The following CCDC141 variants were observed in gnomAD, a reference collection of about 807,000 sequenced individuals.
CCDC141 encodes the protein coiled-coil domain containing 141, also known as coiled-coil domain-containing protein 141.
Under a neutral mutation model 181.0 loss-of-function variants are expected in CCDC141, and 168 were observed. The ratio of observed to expected loss-of-function variants is 0.93; its 90% confidence interval spans 0.82 to 1.05. The LOEUF (loss-of-function observed/expected upper bound fraction) is 1.05. Among genes scored for constraint, CCDC141 ranks in the 50% least tolerant of loss-of-function variants. The pLI is 0.00. For missense variants in CCDC141, 1,902 were observed against 1,788.5 expected, an observed-to-expected ratio of 1.06 and a Z score of -1.14; for synonymous variants, 666 against 642.3, an observed-to-expected ratio of 1.04 and a Z score of -0.56.
intron 8 of CCDC141, among the ~76,000 whole-genome samples, chr2:178,898,710 CTAA>C (rs1687531891): frequency 6.6e-6 from 1 of 151,990 alleles, no homozygotes; most frequent in Non-Finnish European, 1.5e-5. Context: ...AAGTCTGTTC[CTAA>C]TAAAGTAGTG....
intron 2 of CCDC141, among the ~76,000 whole-genome samples, chr2:179,000,966 A>G (rs917358004): frequency 2.6e-5 from 4 of 152,148 alleles, no homozygotes; most frequent in African/African-American, 9.7e-5. Flanking sequence ...TGTAACATAG[A>G]AAGTACACAA....
chr2:178,922,568 G>A (rs979099773), intron 6 of CCDC141, among the ~76,000 whole-genome samples: 5 of 152,150 alleles, frequency 3.3e-5, no homozygotes, highest in African/African-American at 9.7e-5. Flanking sequence ...GAAATCAGAA[G>A]GCTCGCTATT....
At chr2:178,991,399 T>C (rs1443969617) in intron 2 of CCDC141, among the ~76,000 whole-genome samples, 1 of 152,086 alleles carries the variant, frequency 6.6e-6, no homozygotes, top group Non-Finnish European at 1.5e-5. Flanking sequence ...AAATGGTTAA[T>C]TTTATGTTAT....
intron 22 of CCDC141, among the ~76,000 whole-genome samples, chr2:178,844,202 AAAT>A (rs1177602030): frequency 6.6e-6 from 1 of 152,218 alleles, no homozygotes; most frequent in African/African-American, 2.4e-5. Flanking sequence ...GTGCAGAACT[AAAT>A]AAAATAAATG....
At chr2:178,937,053 T>A (rs1689321180) in intron 6 of CCDC141, among the ~76,000 whole-genome samples, 1 of 152,214 alleles carries the variant, frequency 6.6e-6, no homozygotes, top group Admixed American at 6.5e-5. Flanking sequence ...GAGTTTGACT[T>A]CCTCTCTTCC....
intron 2 of CCDC141, among the ~76,000 whole-genome samples, chr2:179,038,478 A>G (rs1026158233): frequency 1.3e-5 from 2 of 152,200 alleles, no homozygotes; most frequent in African/African-American, 4.8e-5. Flanking sequence ...AATGCCACTG[A>G]ATTGTACATA....
chr2:178,852,255 C>A (rs969953414), intron 20 of CCDC141, among the ~76,000 whole-genome samples: 5 of 152,130 alleles, frequency 3.3e-5, no homozygotes, highest in Non-Finnish European at 7.4e-5. Flanking sequence ...GGGTCTTTGT[C>A]AGCACTTCTC....
chr2:178,956,589 A>G (rs1011508352), intron 5 of CCDC141, among the ~76,000 whole-genome samples: 39 of 152,282 alleles, frequency 2.6e-4, no homozygotes, highest in African/African-American at 9.4e-4. Flanking sequence ...AGCATTCACC[A>G]CCACGCCCAG....
In CCDC141 at chr2:178,872,122, C is replaced by A. The variant is rs1181737784; in HGVS notation, c.2079+11G>T. 7.4e-6 allele frequency: 12 copies of A among 1,612,330 alleles called. No individual in the cohort carries two copies. Among genetic ancestry groups the A allele is most frequent in the Non-Finnish European group, 1.0e-5 (12 of 1,179,248 alleles). On this transcript the variant is annotated intron_variant, in intron 13 of 23. Coordinates refer to ENST00000443758, the MANE Select transcript of CCDC141 (RefSeq NM_173648.4). ...TCATTCCTTTTCACATCCCATTGTT[C>A]CTTGCCTCACCTTTTTAAGTTGCTC...
At chr2:178,986,649 C>T (rs1691758298) in intron 2 of CCDC141, among the ~76,000 whole-genome samples, 1 of 151,778 alleles carries the variant, frequency 6.6e-6, no homozygotes, top group African/African-American at 2.4e-5. Context: ...GTGCAAAAAT[C>T]ACAAGCATTC....
chr2:178,880,362 G>T (rs56791846), intron 11 of CCDC141, among the ~76,000 whole-genome samples: 17,259 of 152,198 alleles, frequency 0.11, 1,232 homozygotes, highest in Middle Eastern at 0.19. Context: ...AATGTGATCA[G>T]ATTTGCCTTA....
intron 4 of CCDC141, among the ~76,000 whole-genome samples, chr2:178,966,741 G>A (rs1030405704): frequency 5.9e-5 from 9 of 152,014 alleles, no homozygotes; most frequent in East Asian, 3.9e-4. Flanking sequence ...AAAACTGGAC[G>A]GAGAATGAGT....
intron 17 of CCDC141, among the ~76,000 whole-genome samples, chr2:178,863,459 C>T (rs1274462495): frequency 6.6e-6 from 1 of 152,118 alleles, no homozygotes; most frequent in Non-Finnish European, 1.5e-5. Flanking sequence ...TTTAATTTTA[C>T]GTAAGTTTTA....
At chr2:178,984,677 T>C (rs1691625949) in intron 2 of CCDC141, among the ~76,000 whole-genome samples, 1 of 149,418 alleles carries the variant, frequency 6.7e-6, no homozygotes, top group Non-Finnish European at 1.5e-5. Flanking sequence ...TAGTCTCTGA[T>C]AAAACAGACT....
chr2:178,930,106 A>G (rs10930840), intron 6 of CCDC141, among the ~76,000 whole-genome samples: 25,778 of 152,016 alleles, frequency 0.17, 2,297 homozygotes, highest in Middle Eastern at 0.22. Context: ...TTAAATCAGT[A>G]AAGTTGGAGA....
intron 22 of CCDC141, among the ~76,000 whole-genome samples, chr2:178,841,561 TA>T (rs1254976044): frequency 6.6e-6 from 1 of 152,218 alleles, no homozygotes; most frequent in Non-Finnish European, 1.5e-5. Context: ...ATGTATCATA[TA>T]AAAATTAAAA....
At chr2:179,040,324 C>A (rs2043261262) in intron 2 of CCDC141, among the ~76,000 whole-genome samples, 1 of 152,174 alleles carries the variant, frequency 6.6e-6, no homozygotes, top group African/African-American at 2.4e-5. Context: ...ATTCTAGAAC[C>A]AGTGTCTTCT....
chr2:178,864,521 G>C (rs905223921), intron 17 of CCDC141, among the ~76,000 whole-genome samples: 2 of 152,204 alleles, frequency 1.3e-5, no homozygotes, highest in African/African-American at 4.8e-5. Context: ...CAAATTATGA[G>C]CTGAAACTCT....
At chr2:178,877,071 C>T (rs1052260712) in intron 12 of CCDC141, 1 of 152,208 alleles carries the variant, frequency 6.6e-6, no homozygotes, top group Admixed American at 6.5e-5. Flanking sequence ...ACCTGTAGTT[C>T]ACTTTTTGGT....
Sources: gnomAD v4.1 joint callset for allele counts (sites outside exome capture counted in the v4.1 genomes callset) on GRCh38, gnomAD v4.1.1 for gene constraint, MANE v1.5 for transcripts, NCBI Gene and HGNC (gene_info 2026-07-23, HGNC 2026-07-21) for gene names.